The following CHRM3 variants were observed in gnomAD, a reference collection of about 807,000 sequenced individuals.
The protein encoded by CHRM3 is muscarinic acetylcholine receptor M3.
In CHRM3, 11 loss-of-function variants were observed where a neutral mutation model predicts 41.8. The observed-to-expected ratio is 0.26, with a 90% CI of 0.17 to 0.44. The LOEUF is 0.44. Ranked by LOEUF, CHRM3 falls within the 20% of genes least tolerant of loss-of-function variation. CHRM3 has a pLI of 1.00. For missense variants in CHRM3, 571 were observed against 745.4 expected (o/e 0.77, Z 2.72); for synonymous variants, 297 against 301.4 (o/e 0.99, Z 0.15).
chr1:239,750,104 C>T (rs1435922712), intron 5 of CHRM3, among the ~76,000 whole-genome samples: 1 of 152,218 alleles, frequency 6.6e-6, no homozygotes, highest in Non-Finnish European at 1.5e-5. Context: ...TTACCACTCT[C>T]TTCTGAACAC....
chr1:239,639,280 G>GT (rs539886697), intron 4 of CHRM3, among the ~76,000 whole-genome samples: 1,947 of 152,252 alleles, frequency 0.013, 57 homozygotes, highest in African/African-American at 0.045. Flanking sequence ...CTTTAAAGTA[G>GT]TTTTTTCCAA....
In CHRM3 at chr1:239,658,254, C is replaced by T. The variant is rs949731260; in HGVS notation, c.-249-19932C>T. Among the ~76,000 whole-genome samples the T allele has an allele frequency of 3.3e-5, 5 of 152,268 alleles. No homozygotes were observed. In the East Asian group the frequency reaches 9.7e-4, roughly 29 times the overall value. On this transcript the variant is annotated intron_variant, in intron 4 of 6. Transcript: ENST00000676153. ...TCTGTAGCTTTAAAATGGGCTTCCT[C>T]TGTTTGACTGACAATACAATTCTGA...
chr1:239,643,966 G>T (rs908342394), intron 4 of CHRM3, among the ~76,000 whole-genome samples: 5 of 152,176 alleles, frequency 3.3e-5, no homozygotes, highest in African/African-American at 1.2e-4. Context: ...ACAAGTAGAT[G>T]ATAGAAAATG....
chr1:239,431,603 C>T (rs192129539), intron 1 of CHRM3, among the ~76,000 whole-genome samples: 1 of 152,072 alleles, frequency 6.6e-6, no homozygotes, highest in Non-Finnish European at 1.5e-5. Context: ...CCCACCTTTC[C>T]GATGCTGTGT....
chr1:239,894,679 C>A (rs929341951), intron 6 of CHRM3, among the ~76,000 whole-genome samples: 6 of 152,026 alleles, frequency 3.9e-5, no homozygotes, highest in Non-Finnish European at 8.8e-5. Flanking sequence ...GTGATCAGCC[C>A]ACCCTGACCT....
chr1:239,854,110 A>T (rs1039616959), intron 6 of CHRM3, among the ~76,000 whole-genome samples: 2 of 152,082 alleles, frequency 1.3e-5, no homozygotes, highest in African/African-American at 4.8e-5. Context: ...AAAAATACCT[A>T]TTTCAGTAAA....
At chr1:239,792,371 A>G (rs1669421186) in intron 5 of CHRM3, among the ~76,000 whole-genome samples, 1 of 152,304 alleles carries the variant, frequency 6.6e-6, no homozygotes, top group African/African-American at 2.4e-5. Flanking sequence ...GATCATCAGA[A>G]GCATTTAAGG....
At chr1:239,467,456 C>T (rs191376536) in intron 1 of CHRM3, among the ~76,000 whole-genome samples, 3 of 152,200 alleles carry the variant, frequency 2.0e-5, no homozygotes, top group African/African-American at 7.2e-5. Context: ...CACATGCCAC[C>T]ACGCCAGGCT....
At chr1:239,691,031 C>T (rs61834822) in intron 5 of CHRM3, among the ~76,000 whole-genome samples, 7,907 of 151,950 alleles carry the variant, frequency 0.052, 389 homozygotes, top group African/African-American at 0.12. Context: ...TAGGCTGGAC[C>T]AAGGGAAGCA....
intron 5 of CHRM3, among the ~76,000 whole-genome samples, chr1:239,739,579 TATAATGCTA>T (rs1289802986): frequency 2.0e-5 from 3 of 152,152 alleles, no homozygotes; most frequent in Non-Finnish European, 2.9e-5. Flanking sequence ...CTAACTCAGC[TATAATGCTA>T]ATAAGGCTGG....
intron 5 of CHRM3, among the ~76,000 whole-genome samples, chr1:239,718,346 T>A (rs552071603): frequency 6.6e-6 from 1 of 152,186 alleles, no homozygotes; most frequent in South Asian, 2.1e-4. Context: ...ACTAGCGCTA[T>A]ACAAACTCCT....
At chr1:239,593,297 C>T (rs1476721093) in intron 3 of CHRM3, among the ~76,000 whole-genome samples, 1 of 152,012 alleles carries the variant, frequency 6.6e-6, no homozygotes, top group Non-Finnish European at 1.5e-5. Context: ...TTTTTTTCCT[C>T]ATCAGACACT....
intron 1 of CHRM3, among the ~76,000 whole-genome samples, chr1:239,396,350 A>G (rs1659475105): frequency 6.6e-6 from 1 of 152,128 alleles, no homozygotes; most frequent in African/African-American, 2.4e-5. Context: ...ATATGTAAAC[A>G]GGCACAGTGG....
chr1:239,885,225 GA>G (rs1330755477), intron 6 of CHRM3, among the ~76,000 whole-genome samples: 1 of 152,162 alleles, frequency 6.6e-6, no homozygotes. Context: ...GAAAACATGT[GA>G]TAGTCCTCTA....
chr1:239,801,199 T>G (rs1670186382), intron 5 of CHRM3, among the ~76,000 whole-genome samples: 1 of 152,192 alleles, frequency 6.6e-6, no homozygotes, highest in Non-Finnish European at 1.5e-5. Context: ...TTCATACTAT[T>G]GTTGATCCAA....
intron 1 of CHRM3, among the ~76,000 whole-genome samples, chr1:239,430,013 G>A (rs1460355935): frequency 6.8e-6 from 1 of 147,840 alleles, no homozygotes; most frequent in Admixed American, 6.7e-5. Context: ...TATTGCCCAG[G>A]CTAGAGTGCA....
intron 1 of CHRM3, among the ~76,000 whole-genome samples, chr1:239,442,420 G>A (rs2103260970): frequency 6.6e-6 from 1 of 151,750 alleles, no homozygotes; most frequent in African/African-American, 2.4e-5. Context: ...ATACATGTTA[G>A]TTCTTGATGC....
At chr1:239,502,916 A>T (rs1267253261) in intron 2 of CHRM3, among the ~76,000 whole-genome samples, 1 of 152,194 alleles carries the variant, frequency 6.6e-6, no homozygotes, top group Non-Finnish European at 1.5e-5. Context: ...ACCTCAATGT[A>T]ATAAAAGCCA....
intron 4 of CHRM3, among the ~76,000 whole-genome samples, chr1:239,644,813 C>T (rs1245376062): frequency 6.6e-6 from 1 of 152,202 alleles, no homozygotes; most frequent in Non-Finnish European, 1.5e-5. Context: ...GCTGACTGCA[C>T]TTGAGTAACA....
Sources: allele counts gnomAD v4.1 joint callset (sites outside exome capture counted in the v4.1 genomes callset), GRCh38; gene constraint gnomAD v4.1.1; transcripts MANE v1.5; gene names NCBI Gene and HGNC (gene_info 2026-07-23, HGNC 2026-07-21).